SLC37A1: variants seen among roughly 807,000 people sequenced by gnomAD.
SLC37A1 encodes solute carrier family 37 member 1.
A neutral mutation model predicts 75.3 loss-of-function variants in SLC37A1; 49 were observed. That is an observed-to-expected ratio of 0.65 (90% CI 0.52 to 0.83). The LOEUF is 0.83. Ranked by LOEUF, SLC37A1 falls within the 40% of genes least tolerant of loss-of-function variation. SLC37A1 has a pLI of 0.00. For synonymous variants in SLC37A1, 268 were observed against 292.1 expected (o/e 0.92, Z 0.84); for missense variants, 566 against 695.0 (o/e 0.81, Z 2.09).
At chr21:42,507,635 AT>A (rs1203886019) in intron 2 of SLC37A1, among the ~76,000 whole-genome samples, 1 of 152,238 alleles carries the variant, frequency 6.6e-6, no homozygotes, top group Non-Finnish European at 1.5e-5. Context: ...AACAAGAAGC[AT>A]GGCACCAGCA....
rs1165334531 is a variant in SLC37A1, at chr21:42,564,628, C to T, written c.1136-80C>T. Reference sequence around the variant, plus strand: ...CTTGGGAAAGGAGGAGGCCGTTCTCCGAGCTCCTGCAGTTCTGCTTCCTCC... The same window carrying T: ...CTTGGGAAAGGAGGAGGCCGTTCTCTGAGCTCCTGCAGTTCTGCTTCCTCC... On this transcript the variant is annotated intron_variant, in intron 13 of 19. Transcript: ENST00000352133. 14 of 1,153,880 alleles carry T rather than the reference C, an allele frequency of 1.2e-5. No individual in the cohort carries two copies. In the East Asian group the frequency reaches 1.4e-4, roughly 12 times the overall value. 71.5% of individuals were successfully genotyped at this position (1,153,880 alleles called of 1,614,324 possible). A position where few individuals can be genotyped will look rare whatever the true frequency, so the allele number is the denominator to read the frequency against.
chr21:42,530,647 CACACACA>C lies in SLC37A1; in HGVS notation c.139-4050_139-4044del, dbSNP rs1402335578. 3.0e-3 allele frequency among the ~76,000 whole-genome samples: 93 copies of C among 31,264 alleles called. 1 individual carries two copies. Among genetic ancestry groups the C allele is most frequent in the Non-Finnish European group, 4.0e-3 (61 of 15,282 alleles). The allele number at this position is 31,264 out of a possible 152,430, so 20.5% of individuals were successfully genotyped here. ...ACACACACACACACACACACACACA[CACACACA>C]CCCCCTCTGTGTTGGCTGAAGGTGG... On this transcript the variant is annotated intron_variant, in intron 3 of 19. Coordinates refer to ENST00000352133, the MANE Select transcript of SLC37A1 (RefSeq NM_001320537.2).
intron 10 of SLC37A1, among the ~76,000 whole-genome samples, chr21:42,555,095 C>T (rs532893753): frequency 2.6e-5 from 4 of 151,270 alleles, no homozygotes; most frequent in African/African-American, 4.9e-5. Context: ...AAGTGATTCT[C>T]CTGCCTCAGC....
rs1239524342 is a variant in SLC37A1 at position 42,548,321 on chromosome 21, G to A, written c.768+1181G>A. ...AACCTTCCCACGGAGATGTCTGAGT[G>A]TCCTTCAGACTTAACACGACTGGAG... is the stretch of plus-strand genomic sequence containing the variant. On this transcript the variant is annotated intron_variant, in intron 9 of 19. Transcript: ENST00000352133. The surrounding 1 kb of genome is among the most constrained non-coding windows in gnomAD (Gnocchi z 5.6). Among the ~76,000 whole-genome samples, 1 of 152,130 alleles carries A rather than the reference G, an allele frequency of 6.6e-6. No homozygotes were observed. The highest frequency in any genetic ancestry group is 1.9e-4 in the East Asian group (1 of 5,180).
At chr21:42,555,607 C>CCAAT (rs111551499) in intron 10 of SLC37A1, among the ~76,000 whole-genome samples, 21,405 of 152,070 alleles carry the variant, frequency 0.14, 2,139 homozygotes, top group African/African-American at 0.28. Context: ...AAATCATGTC[C>CCAAT]CAGTGTCCAA....
intron 2 of SLC37A1, among the ~76,000 whole-genome samples, chr21:42,523,474 C>T (rs1277355073): frequency 2.0e-5 from 3 of 152,224 alleles, no homozygotes; most frequent in Non-Finnish European, 2.9e-5. Context: ...CAGTCGAAGG[C>T]GTGAGAAGCA....
At chr21:42,561,054 C>A (rs2055815591) in intron 11 of SLC37A1, among the ~76,000 whole-genome samples, 1 of 152,174 alleles carries the variant, frequency 6.6e-6, no homozygotes, top group Non-Finnish European at 1.5e-5. Flanking sequence ...CATTTAATGA[C>A]AACTAAGCAC....
chr21:42,548,339 G>A lies in SLC37A1; in HGVS notation c.768+1199G>A, dbSNP rs149957810. The stretch of plus-strand genomic sequence containing the variant: ...TCTGAGTGTCCTTCAGACTTAACAC[G>A]ACTGGAGGAGATCTCTTGATTTTAC... On this transcript the variant is annotated intron_variant, in intron 9 of 19. Coordinates refer to ENST00000352133, the MANE Select transcript of SLC37A1 (RefSeq NM_001320537.2). The surrounding 1 kb of genome is among the most constrained non-coding windows in gnomAD (Gnocchi z 5.6). 1.8e-3 allele frequency among the ~76,000 whole-genome samples: 272 copies of A among 152,040 alleles called. 1 individual carries two copies. Among genetic ancestry groups the A allele is most frequent in the African/African-American group, 5.9e-3 (245 of 41,456 alleles).
intron 10 of SLC37A1, among the ~76,000 whole-genome samples, chr21:42,557,003 G>A (rs140999104): frequency 6.6e-6 from 1 of 152,348 alleles, no homozygotes; most frequent in Non-Finnish European, 1.5e-5. Context: ...AACCAGCCCA[G>A]CAAGTGGACC....
Position 42,552,964 on chromosome 21 carries a change from A to G in SLC37A1, c.769-1098A>G, listed in dbSNP as rs746799889. Among the ~76,000 whole-genome samples, 1 of 152,240 alleles carries G rather than the reference A, an allele frequency of 6.6e-6. No individual in the cohort carries two copies. The highest frequency in any genetic ancestry group is 1.5e-5 in the Non-Finnish European group (1 of 68,050). ...GGCTTTGCCCTCCCTCTGAGCACAAAACAAATGTATTTTTAAAGGTGTTTT... is the reference window on the plus strand; with the variant it reads ...GGCTTTGCCCTCCCTCTGAGCACAAGACAAATGTATTTTTAAAGGTGTTTT... On this transcript the variant is annotated intron_variant, in intron 9 of 19. Transcript: ENST00000352133. This position sits in a 1 kb window ranked among gnomAD's most constrained non-coding sequence, Gnocchi z 4.2.
rs1331216778 is a variant in SLC37A1, at chr21:42,548,354, C to G, written c.768+1214C>G. Among the ~76,000 whole-genome samples, 2 of 152,028 alleles carry G rather than the reference C, an allele frequency of 1.3e-5. No individual in the cohort carries two copies. The highest frequency in any genetic ancestry group is 2.9e-5 in the Non-Finnish European group (2 of 67,982). On this transcript the variant is annotated intron_variant, in intron 9 of 19. Coordinates refer to ENST00000352133, the MANE Select transcript of SLC37A1 (RefSeq NM_001320537.2). This position sits in a 1 kb window ranked among gnomAD's most constrained non-coding sequence, Gnocchi z 5.6. ...GACTTAACACGACTGGAGGAGATCTCTTGATTTTACCCCTGCACAAGCCGA... is the reference window on the plus strand; with the variant it reads ...GACTTAACACGACTGGAGGAGATCTGTTGATTTTACCCCTGCACAAGCCGA...
At chr21:42,536,809 G>A (rs943652440) in intron 5 of SLC37A1, among the ~76,000 whole-genome samples, 2 of 152,218 alleles carry the variant, frequency 1.3e-5, no homozygotes, top group South Asian at 2.1e-4. Context: ...CACTCCTGCG[G>A]ATTCATTCCT....
intron 11 of SLC37A1, 51 bp from the exon 12 acceptor site, chr21:42,562,027 C>T (rs748578238): frequency 1.4e-6 from 2 of 1,443,264 alleles, no homozygotes; most frequent in South Asian, 1.1e-5. Flanking sequence ...TGTTTACACA[C>T]ACCTGCTGAC....
At chr21:42,556,329 G>A (rs1473067581) in intron 10 of SLC37A1, among the ~76,000 whole-genome samples, 1 of 152,206 alleles carries the variant, frequency 6.6e-6, no homozygotes, top group Admixed American at 6.5e-5. Context: ...CACCAAACGC[G>A]GCGTGAGCAC....
Position 42,580,493 on chromosome 21 carries a change from C to T in SLC37A1, c.*133C>T, listed in dbSNP as rs1341714912. 4.2e-6 allele frequency: 4 copies of T among 942,280 alleles called. No homozygotes were observed. The highest frequency in any genetic ancestry group is 1.7e-5 in the South Asian group (1 of 59,142). The allele number at this position is 942,280 out of a possible 1,614,324, so 58.4% of individuals were successfully genotyped here. ...CTTTTGCACACGCACCTGGAAAAGA[C>T]ACAGAAGCCAACCTGAGAACCCCTG... is the stretch of plus-strand genomic sequence containing the variant. On this transcript the variant is annotated 3_prime_UTR_variant, in exon 20 of 20. Transcript: ENST00000352133.
chr21:42,544,824 C>T (rs1273592200), intron 8 of SLC37A1, among the ~76,000 whole-genome samples: 2 of 152,192 alleles, frequency 1.3e-5, no homozygotes, highest in African/African-American at 2.4e-5. Context: ...AGTTCTGTGC[C>T]CCTGCGCTCC....
rs576654739 is a variant in SLC37A1, at chr21:42,518,289, C to T, written c.-166C>T. On this transcript the variant is annotated 5_prime_UTR_variant, in exon 2 of 20. Coordinates refer to ENST00000352133, the MANE Select transcript of SLC37A1 (RefSeq NM_001320537.2). ...CTCCTCCTTGTAGAGAGCAGAGCCACTGCCAGAAGGAAGGGGACAAGACCC... is the reference window on the plus strand; with the variant it reads ...CTCCTCCTTGTAGAGAGCAGAGCCATTGCCAGAAGGAAGGGGACAAGACCC... 5 of 750,792 alleles carry T rather than the reference C, an allele frequency of 6.7e-6. No individual in the cohort carries two copies. The African/African-American group carries it at 6.9e-5, about 10-fold the overall frequency. 46.5% of individuals were successfully genotyped at this position (750,792 alleles called of 1,614,324 possible). A position where few individuals can be genotyped will look rare whatever the true frequency, so the allele number is the denominator to read the frequency against.
intron 10 of SLC37A1, among the ~76,000 whole-genome samples, chr21:42,558,693 C>T (rs2055750657): frequency 6.6e-6 from 1 of 152,064 alleles, no homozygotes; most frequent in Non-Finnish European, 1.5e-5. Flanking sequence ...TTATAAGTAT[C>T]TTTTTACTTT....
At chr21:42,518,210 T>C (rs2054559955) in intron 1 of SLC37A1, 67 bp from the exon 2 acceptor site, 3 of 525,918 alleles carry the variant, frequency 5.7e-6, no homozygotes, top group Non-Finnish European at 1.0e-5. Context: ...TGGTTACTTC[T>C]GCCAGTAACG....
Sources: allele counts gnomAD v4.1 joint callset (sites outside exome capture counted in the v4.1 genomes callset), GRCh38; gene constraint gnomAD v4.1.1; non-coding constraint Gnocchi (gnomAD v3.1); transcripts MANE v1.5; gene names NCBI Gene and HGNC (gene_info 2026-07-23, HGNC 2026-07-21).